Variants in FRMD4A observed in about 807,000 individuals in gnomAD.
FRMD4A encodes the protein FERM domain containing 4A.
A neutral mutation model predicts 129.1 loss-of-function variants in FRMD4A; 29 were observed. That is an observed-to-expected ratio of 0.22 (90% CI 0.17 to 0.31). FRMD4A has a LOEUF of 0.31. FRMD4A is among the 10% of genes least tolerant of loss of function. The pLI is 1.00. For missense variants in FRMD4A, 1,272 were observed against 1,375.8 expected, an observed-to-expected ratio of 0.92 and a Z score of 1.19; for synonymous variants, 634 against 571.6, an observed-to-expected ratio of 1.11 and a Z score of -1.56.
chr10:13,806,511 C>T (rs73595158), intron 4 of FRMD4A, among the ~76,000 whole-genome samples: 2,784 of 152,314 alleles, frequency 0.018, 62 homozygotes, highest in African/African-American at 0.061. Context: ...TGTAACTTTA[C>T]AGGCCCCTGG....
intron 2 of FRMD4A, among the ~76,000 whole-genome samples, chr10:14,039,211 T>TA (rs11440600): frequency 0.041 from 6,317 of 152,248 alleles, 479 homozygotes; most frequent in African/African-American, 0.14. Flanking sequence ...GAGTTGTACT[T>TA]AGACTATTTA....
At chr10:13,993,631 A>T (rs1050368314) in intron 2 of FRMD4A, among the ~76,000 whole-genome samples, 2 of 152,186 alleles carry the variant, frequency 1.3e-5, no homozygotes, top group Non-Finnish European at 2.9e-5. Flanking sequence ...CAAAACAAAA[A>T]AATGTTGCTG....
At position 13,821,140 on chromosome 10, in the gene FRMD4A, G is replaced by A. The variant is rs989431788; in HGVS notation, c.112-10232C>T. 2.6e-5 allele frequency among the ~76,000 whole-genome samples: 4 copies of A among 152,140 alleles called. No individual in the cohort carries two copies. Among genetic ancestry groups the A allele is most frequent in the African/African-American group, 7.2e-5 (3 of 41,426 alleles). Reference sequence around the variant, plus strand: ...CCCGGGGAGGGGAAGCTGCTGCGGGGGGTGCATGAGGTGACTCTGTGCAGC... The same window carrying A: ...CCCGGGGAGGGGAAGCTGCTGCGGGAGGTGCATGAGGTGACTCTGTGCAGC... On this transcript the variant is annotated intron_variant, in intron 3 of 24. Transcript: ENST00000357447. This position sits in a 1 kb window ranked among gnomAD's most constrained non-coding sequence, Gnocchi z 4.3.
At chr10:13,756,290 G>T (rs2091857068) in intron 8 of FRMD4A, 1 of 152,230 alleles carries the variant, frequency 6.6e-6, no homozygotes, top group Admixed American at 6.5e-5. Context: ...TTTGGCATTT[G>T]TGATTTGCAT....
intron 2 of FRMD4A, among the ~76,000 whole-genome samples, chr10:14,069,109 G>A (rs1446471360): frequency 6.6e-6 from 1 of 152,076 alleles, no homozygotes; most frequent in Non-Finnish European, 1.5e-5. Flanking sequence ...ACTTTTTAGG[G>A]AAATATCATT....
chr10:14,030,131 G>C (rs1365818559), intron 2 of FRMD4A, among the ~76,000 whole-genome samples: 3 of 152,142 alleles, frequency 2.0e-5, no homozygotes, highest in Non-Finnish European at 4.4e-5. Context: ...TTGGTCAAGG[G>C]GTACAAAGTT....
At chr10:13,654,802 C>T (rs1373415550) in intron 22 of FRMD4A, 3 of 469,438 alleles carry the variant, frequency 6.4e-6, no homozygotes, top group Non-Finnish European at 1.1e-5. Context: ...CCCCGCTTTG[C>T]CACCAGGAGG....
At chr10:13,803,148 C>A (rs371262389) in intron 4 of FRMD4A, among the ~76,000 whole-genome samples, 256 of 128,438 alleles carry the variant, frequency 2.0e-3, no homozygotes, top group South Asian at 3.3e-3. Context: ...GATTCCATCT[C>A]AAAAAAAAAA....
Position 13,740,553 on chromosome 10 carries a change from G to A in FRMD4A, c.573C>T (p.Tyr191=), listed in dbSNP as rs769059681. The A allele has an allele frequency of 1.3e-6, 2 of 1,590,116 alleles. No homozygotes were observed. Among genetic ancestry groups the A allele is most frequent in the East Asian group, 2.2e-5 (1 of 44,768 alleles). ...CTCTTGTCTGACCGTTCAGTTTCTT[G>A]TAGTGCTCAATGACTCTGTCTTCAC... ...AYCEDRVIEH[Y]KKLNGQTRGQ... Residue 191 remains tyrosine, a synonymous_variant, in exon 10 of 25, where the codon TAC becomes TAT. Coordinates refer to ENST00000357447, the MANE Select transcript of FRMD4A (RefSeq NM_018027.5).
At position 13,657,136 on chromosome 10, in the gene FRMD4A, C is replaced by A. The variant is rs1335351404; in HGVS notation, c.2453G>T (p.Gly818Val). 1 of 1,393,640 alleles carries A rather than the reference C, an allele frequency of 7.2e-7. No individual in the cohort carries two copies. Among genetic ancestry groups the A allele is most frequent in the Non-Finnish European group, 9.5e-7 (1 of 1,048,960 alleles). The allele number at this position is 1,393,640 out of a possible 1,614,324, so 86.3% of individuals were successfully genotyped here. The change falls in exon 22 of 25, where the codon GGC (glycine) becomes GTC (valine). Residue 818 changes from glycine (G) to valine (V), a missense_variant. Transcript: ENST00000357447. ...GCTCTGGCTGTGCAGGTACACACCG[C>A]CCCCCGCGCCCCCCGCGCCCCCCGC... ...GGAGGAGGAG[G>V]GVYLHSQSQP...
chr10:13,757,793 G>T (rs2091924642), intron 8 of FRMD4A, among the ~76,000 whole-genome samples: 1 of 152,160 alleles, frequency 6.6e-6, no homozygotes. Context: ...ACCCAGGCTG[G>T]AGTGTAATGG....
At chr10:14,297,109 C>T (rs574363259) in intron 2 of FRMD4A, among the ~76,000 whole-genome samples, 1 of 151,722 alleles carries the variant, frequency 6.6e-6, no homozygotes, top group East Asian at 1.9e-4. Flanking sequence ...CAGCTCTCCA[C>T]AGGTTCTTTT....
chr10:13,951,929 T>TAATAATAATAAA (rs1554984653), intron 2 of FRMD4A, among the ~76,000 whole-genome samples: 12,574 of 145,534 alleles, frequency 0.086, 725 homozygotes, highest in Non-Finnish European at 0.13. Flanking sequence ...ATAATAATAA[T>TAATAATAATAAA]AAACAATCTA....
intron 2 of FRMD4A, among the ~76,000 whole-genome samples, chr10:14,141,284 A>G (rs1362526381): frequency 6.6e-6 from 1 of 152,180 alleles, no homozygotes; most frequent in Non-Finnish European, 1.5e-5. Flanking sequence ...CAAGTCGCTG[A>G]GGTATTGCCA....
intron 2 of FRMD4A, among the ~76,000 whole-genome samples, chr10:14,265,795 G>A (rs1479529901): frequency 6.6e-6 from 1 of 152,222 alleles, no homozygotes; most frequent in Non-Finnish European, 1.5e-5. Flanking sequence ...GAAGGGTCGG[G>A]AATGTGACTG....
At chr10:14,009,639 G>A (rs777449408) in intron 2 of FRMD4A, among the ~76,000 whole-genome samples, 1 of 152,250 alleles carries the variant, frequency 6.6e-6, no homozygotes, top group Non-Finnish European at 1.5e-5. Context: ...CACGGCGGCG[G>A]CAGCAGCGCA....
chr10:14,255,450 G>T (rs1844575056), intron 2 of FRMD4A, among the ~76,000 whole-genome samples: 1 of 152,164 alleles, frequency 6.6e-6, no homozygotes, highest in Admixed American at 6.5e-5. Context: ...AAGACCTGTA[G>T]ATGGGGACAC....
intron 2 of FRMD4A, among the ~76,000 whole-genome samples, chr10:14,064,728 C>G (rs1215023208): frequency 6.6e-6 from 1 of 152,074 alleles, no homozygotes; most frequent in African/African-American, 2.4e-5. Flanking sequence ...CAGGTGCTCA[C>G]CATCACACTC....
At chr10:13,717,064 G>A (rs762698446) in intron 12 of FRMD4A, among the ~76,000 whole-genome samples, 2 of 152,170 alleles carry the variant, frequency 1.3e-5, no homozygotes. Context: ...TCTGGGTCTA[G>A]CTTTGGTTTT....
Sources: gnomAD v4.1 joint callset for allele counts (sites outside exome capture counted in the v4.1 genomes callset) on GRCh38, gnomAD v4.1.1 for gene constraint, Gnocchi (gnomAD v3.1) non-coding constraint, MANE v1.5 for transcripts, NCBI Gene and HGNC (gene_info 2026-07-23, HGNC 2026-07-21) for gene names.